The following HECW2 variants were observed in gnomAD, a reference collection of about 807,000 sequenced individuals.
HECW2 encodes the protein E3 ubiquitin-protein ligase HECW2.
Under a neutral mutation model 175.2 loss-of-function variants are expected in HECW2, and 61 were observed. The observed-to-expected ratio is 0.35, with a 90% CI of 0.28 to 0.43. HECW2 has a LOEUF of 0.43. Ranked by LOEUF, HECW2 falls within the 20% of genes least tolerant of loss-of-function variation. The pLI is 1.00. For missense variants in HECW2, 1,524 were observed against 2,000.5 expected, an observed-to-expected ratio of 0.76 and a Z score of 4.54; for synonymous variants, 671 against 731.0, an observed-to-expected ratio of 0.92 and a Z score of 1.32.
intron 10 of HECW2, among the ~76,000 whole-genome samples, chr2:196,311,826 C>A (rs1161076798): frequency 6.6e-6 from 1 of 152,046 alleles, no homozygotes; most frequent in African/African-American, 2.4e-5. Context: ...ACAAACAAAA[C>A]CCTAAACCTT....
At chr2:196,570,927 A>G (rs1690363520) in intron 1 of HECW2, among the ~76,000 whole-genome samples, 1 of 152,190 alleles carries the variant, frequency 6.6e-6, no homozygotes, top group Non-Finnish European at 1.5e-5. Context: ...CTGCTTGTGC[A>G]GTGCAGGTAT....
At chr2:196,308,730 T>C (rs1428434291) in intron 10 of HECW2, among the ~76,000 whole-genome samples, 1 of 152,160 alleles carries the variant, frequency 6.6e-6, no homozygotes, top group Non-Finnish European at 1.5e-5. Flanking sequence ...TATTTTTAAG[T>C]GTGTTAAATC....
Position 196,240,514 on chromosome 2 carries a change from A to G in HECW2, c.3699T>C (p.Ile1233=), listed in dbSNP as rs1473685397. ...DHLLEDAFNQ[I]MGYSRKDLQR... ...GCAGGTCTTTTCTGGAGTAGCCCATAATCTGATTAAAAGCATCTTCTAGTA... is the reference window on the plus strand; with the variant it reads ...GCAGGTCTTTTCTGGAGTAGCCCATGATCTGATTAAAAGCATCTTCTAGTA... Residue 1233 remains isoleucine (I), a synonymous_variant, in exon 21 of 29, where the codon ATT becomes ATC. Coordinates refer to ENST00000644978, the MANE Select transcript of HECW2 (RefSeq NM_001348768.2). 6 of 1,611,844 alleles carry G rather than the reference A, an allele frequency of 3.7e-6. No homozygotes were observed. The highest frequency in any genetic ancestry group is 2.2e-5 in the East Asian group (1 of 44,752).
At chr2:196,321,391 C>CTTTTT (rs10622627) in intron 7 of HECW2, among the ~76,000 whole-genome samples, 4 of 139,792 alleles carry the variant, frequency 2.9e-5, no homozygotes, top group South Asian at 2.2e-4. Flanking sequence ...CTTTTTCTCT[C>CTTTTT]TTTTTTTTTT....
intron 2 of HECW2, among the ~76,000 whole-genome samples, chr2:196,381,013 C>T (rs1333693458): frequency 1.3e-5 from 2 of 152,120 alleles, no homozygotes; most frequent in Non-Finnish European, 2.9e-5. Context: ...GGTTCTCACT[C>T]TACCATTCCC....
intron 1 of HECW2, among the ~76,000 whole-genome samples, chr2:196,476,892 C>T (rs1686642837): frequency 1.7e-5 from 2 of 120,136 alleles, no homozygotes; most frequent in South Asian, 5.7e-4. Context: ...AGGAGGATCA[C>T]TTGAGGCCAG....
At chr2:196,248,422 A>T (rs1688725823) in intron 19 of HECW2, among the ~76,000 whole-genome samples, 1 of 151,928 alleles carries the variant, frequency 6.6e-6, no homozygotes, top group Non-Finnish European at 1.5e-5. Context: ...CCCCATCCCT[A>T]CCCACCCAGG....
chr2:196,318,661 C>A lies in HECW2; in HGVS notation c.2229G>T (p.Leu743=), dbSNP rs138073304. Residue 743 remains leucine (L), a synonymous_variant, in exon 9 of 29, where the codon CTG becomes CTT. Coordinates refer to ENST00000644978, the MANE Select transcript of HECW2 (RefSeq NM_001348768.2). ...LGEVWQRRGS[L]EGAAAAAESP... is the part of the protein sequence containing the mutation. The stretch of plus-strand genomic sequence containing the variant: ...TCTCGGCAGCAGCTGCAGCTCCCTC[C>A]AGGCTCCCCCTCCGCTGCCAGACCT... 3.6e-4 allele frequency: 571 copies of A among 1,601,562 alleles called. 1 individual carries two copies. The African/African-American group carries it at 6.5e-3, about 18-fold the overall frequency.
chr2:196,515,494 C>G (rs927637661), intron 1 of HECW2, among the ~76,000 whole-genome samples: 3 of 152,198 alleles, frequency 2.0e-5, no homozygotes, highest in Non-Finnish European at 2.9e-5. Flanking sequence ...TTGGCGAGCA[C>G]ATCACTGACC....
Position 196,319,867 on chromosome 2 carries a change from G to A in HECW2, c.1023C>T (p.Val341=). 6.2e-7 allele frequency: 1 copy of A among 1,613,100 alleles called. No individual in the cohort carries two copies. Among genetic ancestry groups the A allele is most frequent in the Non-Finnish European group, 8.5e-7 (1 of 1,179,268 alleles). The stretch of plus-strand genomic sequence containing the variant: ...TACCTAAGTCTCCATTCACAGAATT[G>A]ACTCCAAGTATTGTGCCAACAGCTT... ...SPEAVGTILG[V]NSVNGDLGSP... Residue 341 remains valine, a synonymous_variant, in exon 9 of 29, where the codon GTC becomes GTT. Coordinates refer to ENST00000644978, the MANE Select transcript of HECW2 (RefSeq NM_001348768.2).
chr2:196,527,194 A>G (rs1471255846), intron 1 of HECW2, among the ~76,000 whole-genome samples: 1 of 152,172 alleles, frequency 6.6e-6, no homozygotes, highest in Admixed American at 6.5e-5. Context: ...GCCGTTTTTT[A>G]AGCTGGTCTG....
intron 2 of HECW2, among the ~76,000 whole-genome samples, chr2:196,399,512 C>T (rs79117875): frequency 0.016 from 2,384 of 152,250 alleles, 61 homozygotes; most frequent in African/African-American, 0.054. Flanking sequence ...AAGAGAACAA[C>T]GATTGCTGAT....
intron 1 of HECW2, among the ~76,000 whole-genome samples, chr2:196,559,801 A>G (rs1270653794): frequency 1.3e-5 from 2 of 152,246 alleles, no homozygotes; most frequent in Non-Finnish European, 2.9e-5. Flanking sequence ...TTGTATTTGC[A>G]TACATCTTAA....
At chr2:196,462,440 T>C (rs1696784472) in intron 1 of HECW2, among the ~76,000 whole-genome samples, 1 of 152,174 alleles carries the variant, frequency 6.6e-6, no homozygotes, top group Non-Finnish European at 1.5e-5. Flanking sequence ...GACAATGACA[T>C]TTCTGGATCC....
chr2:196,353,907 T>C (rs1274311314), intron 2 of HECW2, among the ~76,000 whole-genome samples: 1 of 152,218 alleles, frequency 6.6e-6, no homozygotes, highest in Admixed American at 6.5e-5. Flanking sequence ...ACTACTTTCC[T>C]GTCCCCTCTC....
At chr2:196,487,828 T>G (rs1426331491) in intron 1 of HECW2, among the ~76,000 whole-genome samples, 1 of 152,232 alleles carries the variant, frequency 6.6e-6, no homozygotes, top group African/African-American at 2.4e-5. Flanking sequence ...CTAGGCAGTA[T>G]TCCCAAGGGT....
chr2:196,327,639 A>G (rs1377124578), intron 5 of HECW2, among the ~76,000 whole-genome samples: 1 of 152,246 alleles, frequency 6.6e-6, no homozygotes, highest in African/African-American at 2.4e-5. Context: ...GATAAATATT[A>G]TCATCTGCTG....
intron 2 of HECW2, among the ~76,000 whole-genome samples, chr2:196,391,001 C>G (rs1694493354): frequency 6.6e-6 from 1 of 152,148 alleles, no homozygotes; most frequent in Non-Finnish European, 1.5e-5. Context: ...ATACACTCTG[C>G]TCTCTGCCCT....
intron 13 of HECW2, among the ~76,000 whole-genome samples, chr2:196,304,200 C>T (rs1249422535): frequency 1.3e-5 from 2 of 152,140 alleles, no homozygotes. Flanking sequence ...TCATTCCTAC[C>T]CCTGAGTCTC....
Sources: gnomAD v4.1 joint callset for allele counts (sites outside exome capture counted in the v4.1 genomes callset) on GRCh38, gnomAD v4.1.1 for gene constraint, MANE v1.5 for transcripts, NCBI Gene and HGNC (gene_info 2026-07-23, HGNC 2026-07-21) for gene names.